Variants in STON2 observed in about 807,000 individuals in gnomAD.
STON2 encodes the protein stonin-2.
Under a neutral mutation model 65.7 loss-of-function variants are expected in STON2, and 29 were observed. The observed-to-expected ratio is 0.44, with a 90% CI of 0.33 to 0.60. STON2 has a LOEUF of 0.60. STON2 is among the 20% of genes least tolerant of loss of function. The probability of loss-of-function intolerance (pLI) is 0.03; values close to 1 mark genes in which losing one functional copy is unlikely to be tolerated. For synonymous variants in STON2, 404 were observed against 414.2 expected (o/e 0.98, Z 0.30); for missense variants, 1,054 against 1,118.1 (o/e 0.94, Z 0.82).
chr14:81,318,643 G>A (rs552774417), intron 5 of STON2, among the ~76,000 whole-genome samples: 14 of 152,288 alleles, frequency 9.2e-5, no homozygotes, highest in South Asian at 4.1e-4. Context: ...TTGAGGTCAG[G>A]AGTTTGAGAC....
chr14:81,321,039 T>C (rs950956363), intron 5 of STON2, among the ~76,000 whole-genome samples: 9 of 152,190 alleles, frequency 5.9e-5, no homozygotes, highest in Non-Finnish European at 5.9e-5. Context: ...CTTGCCAGAC[T>C]GTGACCACTT....
chr14:81,289,627 G>A (rs1173117738), intron 5 of STON2, among the ~76,000 whole-genome samples: 1 of 152,166 alleles, frequency 6.6e-6, no homozygotes, highest in South Asian at 2.1e-4. Flanking sequence ...CTGCGCGTGT[G>A]ACATTCCTTG....
At chr14:81,416,123 C>A (rs752451376) in intron 2 of STON2, among the ~76,000 whole-genome samples, 2 of 152,212 alleles carry the variant, frequency 1.3e-5, no homozygotes, top group Non-Finnish European at 2.9e-5. Flanking sequence ...CATGGAACAT[C>A]TCTGTCTCTG....
At chr14:81,375,335 A>G (rs1595413756) in intron 3 of STON2, among the ~76,000 whole-genome samples, 1 of 152,230 alleles carries the variant, frequency 6.6e-6, no homozygotes, top group Admixed American at 6.5e-5. Context: ...ATGCACAAAA[A>G]ATATATCTAA....
chr14:81,302,178 A>G (rs954690457), intron 5 of STON2, among the ~76,000 whole-genome samples: 1 of 152,220 alleles, frequency 6.6e-6, no homozygotes, highest in African/African-American at 2.4e-5. Flanking sequence ...AGCATGCACC[A>G]TATCAGCTGC....
At chr14:81,282,212 G>A (rs1005365552) in intron 5 of STON2, among the ~76,000 whole-genome samples, 1 of 152,138 alleles carries the variant, frequency 6.6e-6, no homozygotes, top group African/African-American at 2.4e-5. Flanking sequence ...TACATCAGTG[G>A]TCATACCCTT....
chr14:81,262,572 T>C lies in STON2; in HGVS notation c.*5842A>G, dbSNP rs1242097008. Reference sequence around the variant, plus strand: ...TTTACTTTTTCATATTGAAATTCTTTTTTTAGTCTATTCTCTTGTAGCTTT... The same window carrying C: ...TTTACTTTTTCATATTGAAATTCTTCTTTTAGTCTATTCTCTTGTAGCTTT... On this transcript the variant is annotated 3_prime_UTR_variant, in exon 8 of 8. Transcript: ENST00000614646. 3.0e-6 allele frequency: 3 copies of C among 985,344 alleles called. No individual in the cohort carries two copies. Among genetic ancestry groups the C allele is most frequent in the African/African-American group, 1.7e-5 (1 of 57,252 alleles). The allele number at this position is 985,344 out of a possible 1,614,324, so 61.0% of individuals were successfully genotyped here.
At chr14:81,361,742 A>T (rs766945517) in intron 4 of STON2, among the ~76,000 whole-genome samples, 5 of 152,158 alleles carry the variant, frequency 3.3e-5, no homozygotes, top group Admixed American at 1.3e-4. Flanking sequence ...TAAGCCACAT[A>T]TCTGATAAAG....
In STON2 at chr14:81,263,556, AAAAAC is replaced by A; in HGVS notation, c.*4853_*4857del. ...CCGTCTCAAAAAAAAAAAAAAAAAAAAAAACAAAAAAGAAAATGCTATTTTTTGGC... is the reference window on the plus strand; with the variant it reads ...CCGTCTCAAAAAAAAAAAAAAAAAAAAAAAAAGAAAATGCTATTTTTTGGC... On this transcript the variant is annotated 3_prime_UTR_variant, in exon 8 of 8. Coordinates refer to ENST00000614646, the MANE Select transcript of STON2 (RefSeq NM_001394390.1). 1 of 196,224 alleles carries A rather than the reference AAAAAC, an allele frequency of 5.1e-6. No homozygotes were observed. Among genetic ancestry groups the A allele is most frequent in the Non-Finnish European group, 9.2e-6 (1 of 108,554 alleles). The allele number at this position is 196,224 out of a possible 1,614,324, so 12.2% of individuals were successfully genotyped here. A position where few individuals can be genotyped will look rare whatever the true frequency, so the allele number is the denominator to read the frequency against.
chr14:81,278,606 A>C lies in STON2; in HGVS notation c.876T>G (p.Phe292Leu), dbSNP rs1894975787. 1 of 1,596,066 alleles carries C rather than the reference A, an allele frequency of 6.3e-7. No homozygotes were observed. Among genetic ancestry groups the C allele is most frequent in the Admixed American group, 1.7e-5 (1 of 58,914 alleles). Residue 292 changes from phenylalanine to leucine, a missense_variant, in exon 6 of 8, where the codon TTT (phenylalanine) becomes TTG (leucine). Phe to Leu is a conservative substitution (Grantham distance 22). Transcript: ENST00000614646. ...AAGGGCAGCTGACTTCATTGTCATC[A>C]AAGGTGACCCAGCTGGGAAAACGAG... ...TSARFPSWVT[F>L]DDNEVSCPLP...
chr14:81,303,496 C>T (rs1488654140), intron 5 of STON2, among the ~76,000 whole-genome samples: 6 of 152,128 alleles, frequency 3.9e-5, no homozygotes, highest in Admixed American at 6.5e-5. Flanking sequence ...TGAGTCATTG[C>T]GCCACCACAG....
At chr14:81,343,823 T>C (rs1469448745) in intron 4 of STON2, among the ~76,000 whole-genome samples, 1 of 152,008 alleles carries the variant, frequency 6.6e-6, no homozygotes, top group Non-Finnish European at 1.5e-5. Context: ...AGTATTGTCA[T>C]CATTATTATT....
chr14:81,313,571 G>T (rs2140220939), intron 5 of STON2, among the ~76,000 whole-genome samples: 1 of 152,148 alleles, frequency 6.6e-6, no homozygotes, highest in African/African-American at 2.4e-5. Flanking sequence ...GAGGCAGGTA[G>T]ATCACTTGAG....
chr14:81,280,055 G>A (rs538177807), intron 5 of STON2, among the ~76,000 whole-genome samples: 1 of 152,322 alleles, frequency 6.6e-6, no homozygotes, highest in East Asian at 1.9e-4. Flanking sequence ...ATGTTTACAA[G>A]TAGGCAGTAT....
intron 4 of STON2, among the ~76,000 whole-genome samples, chr14:81,346,804 A>G (rs1287279834): frequency 6.6e-6 from 1 of 152,250 alleles, no homozygotes; most frequent in Non-Finnish European, 1.5e-5. Context: ...CATGGAAATT[A>G]GACATGTTCC....
chr14:81,423,305 A>G (rs1901804994), intron 2 of STON2, among the ~76,000 whole-genome samples: 1 of 152,174 alleles, frequency 6.6e-6, no homozygotes, highest in Non-Finnish European at 1.5e-5. Context: ...AATCTCTTTG[A>G]GTTATAATTT....
intron 2 of STON2, among the ~76,000 whole-genome samples, chr14:81,407,555 T>G (rs1900928788): frequency 6.6e-6 from 1 of 152,200 alleles, no homozygotes; most frequent in African/African-American, 2.4e-5. Context: ...TCTATGAAAA[T>G]CGCCACATCC....
intron 2 of STON2, among the ~76,000 whole-genome samples, chr14:81,406,625 CT>C (rs1259363831): frequency 6.6e-6 from 1 of 152,162 alleles, no homozygotes; most frequent in Non-Finnish European, 1.5e-5. Context: ...ATCCTTACCC[CT>C]AAGACACAGG....
chr14:81,332,397 C>T (rs1897245067), intron 4 of STON2, among the ~76,000 whole-genome samples: 1 of 152,144 alleles, frequency 6.6e-6, no homozygotes, highest in Admixed American at 6.5e-5. Context: ...GCAAGGATTA[C>T]CTTTGAACCG....
Sources: allele counts gnomAD v4.1 joint callset (sites outside exome capture counted in the v4.1 genomes callset), GRCh38; gene constraint gnomAD v4.1.1; transcripts MANE v1.5; gene names NCBI Gene and HGNC (gene_info 2026-07-23, HGNC 2026-07-21).